The following MARCHF8 variants were observed in gnomAD, a reference collection of about 807,000 sequenced individuals.
MARCHF8 encodes E3 ubiquitin-protein ligase MARCHF8.
MARCHF8 carries 40 observed loss-of-function variants against 51.6 expected under a neutral mutation model. That is an observed-to-expected ratio of 0.77 (90% CI 0.60 to 1.01). MARCHF8 has a LOEUF of 1.01. Ranked by LOEUF, MARCHF8 falls within the 50% of genes least tolerant of loss-of-function variation. MARCHF8 has a pLI of 0.00. For synonymous variants in MARCHF8, 263 were observed against 280.3 expected, an observed-to-expected ratio of 0.94 and a Z score of 0.62; for missense variants, 685 against 708.6, an observed-to-expected ratio of 0.97 and a Z score of 0.38.
intron 2 of MARCHF8, among the ~76,000 whole-genome samples, chr10:45,526,283 C>T (rs952222590): frequency 6.6e-6 from 1 of 152,174 alleles, no homozygotes; most frequent in African/African-American, 2.4e-5. Flanking sequence ...AAGCAAGGCA[C>T]GTGCTCAGCC....
At chr10:45,545,163 T>G (rs1308739514) in intron 1 of MARCHF8, among the ~76,000 whole-genome samples, 5 of 152,212 alleles carry the variant, frequency 3.3e-5, no homozygotes, top group Non-Finnish European at 7.3e-5. Context: ...TTACATTTAT[T>G]GAGTTCTTTA....
intron 6 of MARCHF8, among the ~76,000 whole-genome samples, chr10:45,460,621 A>G (rs1842755721): frequency 6.6e-6 from 1 of 152,238 alleles, no homozygotes. Flanking sequence ...GTCAAAATTT[A>G]AACAGGAAGC....
chr10:45,462,433 G>C (rs948672290), intron 5 of MARCHF8, among the ~76,000 whole-genome samples: 1 of 152,122 alleles, frequency 6.6e-6, no homozygotes, highest in Non-Finnish European at 1.5e-5. Context: ...ACCTTTTGGG[G>C]GTAGGTAGGG....
intron 2 of MARCHF8, among the ~76,000 whole-genome samples, chr10:45,519,514 C>G (rs2133230380): frequency 6.6e-6 from 1 of 152,340 alleles, no homozygotes; most frequent in South Asian, 2.1e-4. Flanking sequence ...AAGTCATATT[C>G]TCTATTACAC....
At chr10:45,489,467 G>A in intron 2 of MARCHF8, 50 bp from the exon 3 acceptor site, 2 of 1,495,022 alleles carry the variant, frequency 1.3e-6, no homozygotes, top group Non-Finnish European at 1.9e-6. Flanking sequence ...ATTAAAATAT[G>A]CAAAGAACAA....
chr10:45,465,641 G>T (rs1008275030), intron 3 of MARCHF8, among the ~76,000 whole-genome samples: 1 of 152,116 alleles, frequency 6.6e-6, no homozygotes, highest in Admixed American at 6.5e-5. Flanking sequence ...GGCACCCATC[G>T]CATGGCTGCT....
intron 5 of MARCHF8, 197 bp from the exon 6 acceptor site, chr10:45,461,608 A>G: frequency 4.9e-6 from 2 of 407,264 alleles, no homozygotes; most frequent in Non-Finnish European, 8.5e-6. Flanking sequence ...ACCAACATGG[A>G]AAGTCTGGAG....
At chr10:45,499,270 A>G (rs1054804156) in intron 2 of MARCHF8, among the ~76,000 whole-genome samples, 4 of 152,192 alleles carry the variant, frequency 2.6e-5, no homozygotes, top group Non-Finnish European at 1.5e-5. Flanking sequence ...TGTCTATTCA[A>G]GCATTTTAGA....
At position 45,458,231 on chromosome 10, in the gene MARCHF8, G is replaced by A. The variant is rs763338743; in HGVS notation, c.*8C>T. Reference sequence around the variant, plus strand: ...TGGATGTCCAGGAAAATGACAACCCGCACACAATCAGACGTGAATGATTTC... The same window carrying A: ...TGGATGTCCAGGAAAATGACAACCCACACACAATCAGACGTGAATGATTTC... On this transcript the variant is annotated 3_prime_UTR_variant, in exon 8 of 8. Coordinates refer to ENST00000453424, the MANE Select transcript of MARCHF8 (RefSeq NM_001282866.2). The A allele has an allele frequency of 9.4e-6, 15 of 1,598,764 alleles. No individual in the cohort carries two copies. The highest frequency in any genetic ancestry group is 2.3e-5 in the South Asian group (2 of 88,616).
At chr10:45,574,096 G>C (rs199564799) in intron 1 of MARCHF8, among the ~76,000 whole-genome samples, 4 of 4,400 alleles carry the variant, frequency 9.1e-4, no homozygotes, top group African/African-American at 1.0e-3. Flanking sequence ...ACCTTAAACC[G>C]TAGTATAGTA....
At chr10:45,467,716 G>A (rs1024601209) in intron 3 of MARCHF8, among the ~76,000 whole-genome samples, 3 of 151,706 alleles carry the variant, frequency 2.0e-5, no homozygotes, top group Middle Eastern at 3.4e-3. Context: ...AGGACCAGCC[G>A]TCCTGCTCTT....
At chr10:45,546,709 G>A (rs749411332) in intron 1 of MARCHF8, among the ~76,000 whole-genome samples, 1 of 151,682 alleles carries the variant, frequency 6.6e-6, no homozygotes, top group African/African-American at 2.4e-5. Flanking sequence ...TTGAGCCCAG[G>A]GGACAGAGGT....
At chr10:45,542,870 A>G (rs1344283000) in intron 1 of MARCHF8, among the ~76,000 whole-genome samples, 2 of 152,208 alleles carry the variant, frequency 1.3e-5, no homozygotes, top group African/African-American at 4.8e-5. Context: ...ATTTAAGATA[A>G]TAAATAAAGA....
chr10:45,483,949 AAAATACAGT>A (rs2042935913), intron 3 of MARCHF8, among the ~76,000 whole-genome samples: 1 of 152,210 alleles, frequency 6.6e-6, no homozygotes, highest in African/African-American at 2.4e-5. Context: ...AATGGGTACA[AAAATACAGT>A]TAGATAGTCA....
Position 45,557,080 on chromosome 10 carries a change from G to T in MARCHF8, c.-78-23791C>A, listed in dbSNP as rs1171339977. 3.5e-5 allele frequency among the ~76,000 whole-genome samples: 5 copies of T among 142,702 alleles called. No individual in the cohort carries two copies. In the South Asian group the frequency reaches 6.8e-4, roughly 19 times the overall value. The allele number at this position is 142,702 out of a possible 152,430, so 93.6% of individuals were successfully genotyped here. On this transcript the variant is annotated intron_variant, in intron 1 of 6. Transcript: ENST00000319836. ...CAGAATTTTTTCATCTTGCAAAACTGAAACTATACCCATTGAACAACAAAA... is the reference window on the plus strand; with the variant it reads ...CAGAATTTTTTCATCTTGCAAAACTTAAACTATACCCATTGAACAACAAAA...
chr10:45,525,199 C>T (rs1006701244), intron 2 of MARCHF8, among the ~76,000 whole-genome samples: 6 of 152,170 alleles, frequency 3.9e-5, no homozygotes, highest in East Asian at 1.9e-4. Context: ...AGAGCAAATA[C>T]GAAATTGTGT....
intron 3 of MARCHF8, 102 bp from the exon 4 acceptor site, chr10:45,464,429 G>T: frequency 1.1e-6 from 1 of 899,146 alleles, no homozygotes. Context: ...AATGTCTGCT[G>T]CTTCCCGCTG....
At chr10:45,528,903 A>G (rs1172803842) in intron 2 of MARCHF8, among the ~76,000 whole-genome samples, 1 of 152,240 alleles carries the variant, frequency 6.6e-6, no homozygotes, top group Non-Finnish European at 1.5e-5. Context: ...TACTACTCAA[A>G]GAAATCTGCA....
At chr10:45,547,071 T>G (rs1447013942) in intron 1 of MARCHF8, among the ~76,000 whole-genome samples, 1 of 151,874 alleles carries the variant, frequency 6.6e-6, no homozygotes, top group Non-Finnish European at 1.5e-5. Context: ...CCAAAAAAAT[T>G]CAGATCATTA....
Sources: gnomAD v4.1 joint callset for allele counts (sites outside exome capture counted in the v4.1 genomes callset) on GRCh38, gnomAD v4.1.1 for gene constraint, MANE v1.5 for transcripts, NCBI Gene and HGNC (gene_info 2026-07-23, HGNC 2026-07-21) for gene names.